COL25A1: variants seen among roughly 807,000 people sequenced by gnomAD.
COL25A1 encodes the protein collagen alpha-1(XXV) chain.
Under a neutral mutation model 128.4 loss-of-function variants are expected in COL25A1, and 103 were observed. The ratio of observed to expected loss-of-function variants is 0.80; its 90% CI spans 0.68 to 0.94. The LOEUF is 0.94. COL25A1 is among the 40% of genes least tolerant of loss of function. COL25A1 has a pLI of 0.00. For synonymous variants in COL25A1, 279 were observed against 277.2 expected, an observed-to-expected ratio of 1.01 and a Z score of -0.06; for missense variants, 745 against 840.0, an observed-to-expected ratio of 0.89 and a Z score of 1.40.
intron 5 of COL25A1, among the ~76,000 whole-genome samples, chr4:109,016,631 C>A (rs944719624): frequency 2.6e-5 from 4 of 152,214 alleles, no homozygotes; most frequent in African/African-American, 4.8e-5. Flanking sequence ...TGGGGACTAC[C>A]ACCTGCAGAA....
chr4:109,225,950 G>T, intron 3 of COL25A1, among the ~76,000 whole-genome samples: 1 of 149,274 alleles, frequency 6.7e-6, no homozygotes, highest in East Asian at 2.0e-4. Context: ...ATAAATATAT[G>T]CATACTATTG....
intron 5 of COL25A1, among the ~76,000 whole-genome samples, chr4:109,016,915 G>T (rs933800501): frequency 6.6e-6 from 1 of 152,198 alleles, no homozygotes; most frequent in Non-Finnish European, 1.5e-5. Flanking sequence ...CCAACAAATG[G>T]CAAGACTGAA....
At chr4:109,112,887 T>G (rs1464599944) in intron 3 of COL25A1, among the ~76,000 whole-genome samples, 3 of 152,084 alleles carry the variant, frequency 2.0e-5, no homozygotes, top group Non-Finnish European at 4.4e-5. Flanking sequence ...CCTGTAGTAG[T>G]TATATAAAAT....
chr4:108,936,422 C>T (rs1236074303), intron 11 of COL25A1, among the ~76,000 whole-genome samples: 1 of 152,078 alleles, frequency 6.6e-6, no homozygotes, highest in Non-Finnish European at 1.5e-5. Context: ...CAAAAATTAG[C>T]TGGGCCTGGT....
intron 3 of COL25A1, among the ~76,000 whole-genome samples, chr4:109,275,191 A>C (rs999565449): frequency 7.2e-5 from 11 of 152,142 alleles, no homozygotes; most frequent in Non-Finnish European, 1.5e-4. Context: ...CCTCATGAAG[A>C]AGGCGTGCAT....
intron 27 of COL25A1, among the ~76,000 whole-genome samples, chr4:108,846,759 T>A (rs1735158448): frequency 6.6e-6 from 1 of 152,156 alleles, no homozygotes; most frequent in African/African-American, 2.4e-5. Flanking sequence ...AATCAATGCT[T>A]AAAAGTATGA....
chr4:109,035,434 A>G (rs950548643), intron 5 of COL25A1, among the ~76,000 whole-genome samples: 3 of 152,322 alleles, frequency 2.0e-5, no homozygotes, highest in Middle Eastern at 3.4e-3. Context: ...GAAAGGAGAC[A>G]GATCAATTTC....
intron 19 of COL25A1, among the ~76,000 whole-genome samples, chr4:108,869,864 AT>A (rs1738483606): frequency 1.3e-5 from 2 of 152,078 alleles, no homozygotes; most frequent in South Asian, 4.1e-4. Context: ...TTTAAAATAT[AT>A]TTGATTTCTT....
chr4:109,071,653 T>G (rs1003696101), intron 3 of COL25A1, among the ~76,000 whole-genome samples: 1 of 152,148 alleles, frequency 6.6e-6, no homozygotes, highest in Admixed American at 6.5e-5. Context: ...GAACAGACAC[T>G]TCTCAAAAGA....
chr4:109,283,821 T>C (rs1173820305), intron 3 of COL25A1, among the ~76,000 whole-genome samples: 1 of 152,210 alleles, frequency 6.6e-6, no homozygotes, highest in Non-Finnish European at 1.5e-5. Context: ...CTTTCTTTAC[T>C]AACCTTAGAC....
chr4:109,242,741 C>T (rs1174268202), intron 3 of COL25A1, among the ~76,000 whole-genome samples: 1 of 151,904 alleles, frequency 6.6e-6, no homozygotes, highest in Non-Finnish European at 1.5e-5. Context: ...TGGGAAGTTC[C>T]TTATGCATAA....
intron 3 of COL25A1, among the ~76,000 whole-genome samples, chr4:109,085,064 T>C (rs1200002069): frequency 6.6e-6 from 1 of 152,188 alleles, no homozygotes; most frequent in Non-Finnish European, 1.5e-5. Context: ...TTGGTTTCTG[T>C]GACACCAAAT....
chr4:108,817,256 A>G, intron 37 of COL25A1, 141 bp downstream of exon 37: 1 of 742,538 alleles, frequency 1.3e-6, no homozygotes, highest in Non-Finnish European at 2.3e-6. Flanking sequence ...AATCAGCAGT[A>G]AATATACTGA....
At chr4:109,259,618 C>T (rs1347768025) in intron 3 of COL25A1, among the ~76,000 whole-genome samples, 1 of 152,186 alleles carries the variant, frequency 6.6e-6, no homozygotes, top group Non-Finnish European at 1.5e-5. Context: ...TGCCACATTA[C>T]ACTTCAACAG....
intron 33 of COL25A1, among the ~76,000 whole-genome samples, chr4:108,826,126 C>T (rs562063112): frequency 2.0e-4 from 30 of 152,202 alleles, no homozygotes; most frequent in African/African-American, 7.0e-4. Flanking sequence ...GGTTAAAACC[C>T]TTAATGCAAC....
intron 5 of COL25A1, among the ~76,000 whole-genome samples, chr4:109,021,370 A>G (rs542215181): frequency 6.6e-6 from 1 of 152,324 alleles, no homozygotes; most frequent in East Asian, 1.9e-4. Flanking sequence ...AGGAACATAA[A>G]TTGTGAAGAT....
At chr4:109,116,473 G>C (rs114118518) in intron 3 of COL25A1, among the ~76,000 whole-genome samples, 2 of 151,802 alleles carry the variant, frequency 1.3e-5, no homozygotes, top group African/African-American at 2.4e-5. Context: ...ACAGCTCAAG[G>C]GCACAGCTTA....
chr4:108,931,118 G>A (rs1746684475), intron 11 of COL25A1, among the ~76,000 whole-genome samples: 1 of 152,130 alleles, frequency 6.6e-6, no homozygotes, highest in East Asian at 1.9e-4. Context: ...TTTGGAGAAG[G>A]AGACAATTTT....
At chr4:109,225,732 T>C (rs1382085459) in intron 3 of COL25A1, among the ~76,000 whole-genome samples, 5 of 152,120 alleles carry the variant, frequency 3.3e-5, no homozygotes, top group Non-Finnish European at 5.9e-5. Flanking sequence ...AAAGAAACTG[T>C]TGTGTGTGTA....
Sources: gnomAD v4.1 joint callset for allele counts (sites outside exome capture counted in the v4.1 genomes callset) on GRCh38, gnomAD v4.1.1 for gene constraint, MANE v1.5 for transcripts, NCBI Gene and HGNC (gene_info 2026-07-23, HGNC 2026-07-21) for gene names.